Variants in FBN2 observed in about 807,000 individuals in gnomAD.
The protein encoded by FBN2 is fibrillin 2.
FBN2 carries 105 observed loss-of-function variants against 355.6 expected under a neutral mutation model. The ratio of observed to expected loss-of-function variants is 0.30; its 90% CI spans 0.25 to 0.35. The LOEUF (loss-of-function observed/expected upper bound fraction) is 0.35. Among genes scored for constraint, FBN2 ranks in the 10% least tolerant of loss-of-function variants. The pLI, the probability that FBN2 is intolerant of heterozygous loss-of-function variation, is 1.00. For synonymous variants in FBN2, 1,350 were observed against 1,301.2 expected (o/e 1.04, Z -0.81); for missense variants, 3,280 against 3,758.7 (o/e 0.87, Z 3.33).
Position 128,374,668 on chromosome 5 carries a change from G to A in FBN2, c.2055C>T (p.Pro685=). The part of the protein sequence containing the change: ...NSEGSFRCDC[P]PGLAVGMDGR... ...CATCCATGCCCACAGCCAGGCCTGG[G>A]GGACAGTCACAGCGGAAGGACCCTT... Residue 685 remains proline (P), a synonymous_variant, in exon 15 of 65, where the codon CCC becomes CCT. Coordinates refer to ENST00000262464, the MANE Select transcript of FBN2 (RefSeq NM_001999.4). 1.2e-6 allele frequency: 2 copies of A among 1,613,926 alleles called. No individual in the cohort carries two copies. The highest frequency in any genetic ancestry group is 1.7e-6 in the Non-Finnish European group (2 of 1,179,904).
chr5:128,318,088 AAG>A (rs1750260592), intron 36 of FBN2, 59 bp downstream of exon 36: 5 of 1,556,436 alleles, frequency 3.2e-6, no homozygotes, highest in Non-Finnish European at 4.4e-6. Context: ...GTTCATTATC[AAG>A]AGAGTCTGAA....
chr5:128,261,938 T>C (rs777409597), intron 63 of FBN2, 31 bp from the exon 64 acceptor site: 109 of 1,595,986 alleles, frequency 6.8e-5, no homozygotes, highest in Admixed American at 1.0e-4. Flanking sequence ...ATTGTTAGAC[T>C]TTATCACTGA....
rs147346327 is a variant in FBN2 at position 128,393,165 on chromosome 5, C to T, written c.1435G>A (p.Gly479Arg). The T allele has an allele frequency of 9.0e-5, 145 of 1,614,076 alleles. No individual in the cohort carries two copies. In the African/African-American group the frequency reaches 1.2e-3, roughly 13 times the overall value. Reference protein sequence around the residue: ...PGVGGAGVGAGGQGPIITGLT... With the variant: ...PGVGGAGVGARGQGPIITGLT... The stretch of plus-strand genomic sequence containing the variant: ...CCAGTGATGATAGGTCCCTGTCCCC[C>T]GGCCCCCACACCGGCTCCCCCAACG... Residue 479 changes from glycine to arginine, a missense_variant, in exon 10 of 65, where the codon GGG (glycine) becomes AGG (arginine). By Grantham distance (125) the Gly-to-Arg change is moderately radical (BLOSUM62 -2). Around this residue, in one of 6 missense-constraint regions of FBN2, gnomAD observed 343 missense variants for 331.0 expected, o/e 1.04. Coordinates refer to ENST00000262464, the MANE Select transcript of FBN2 (RefSeq NM_001999.4).
At chr5:128,495,395 G>T (rs911860019) in intron 5 of FBN2, among the ~76,000 whole-genome samples, 1 of 152,074 alleles carries the variant, frequency 6.6e-6, no homozygotes, top group Non-Finnish European at 1.5e-5. Context: ...AAGATATTCA[G>T]AGAAACAGCA....
chr5:128,379,851 C>A (rs1212198893), intron 11 of FBN2, among the ~76,000 whole-genome samples: 2 of 152,006 alleles, frequency 1.3e-5, no homozygotes, highest in African/African-American at 4.8e-5. Flanking sequence ...TGTGTAGAAG[C>A]CATTAACATA....
At chr5:128,391,042 T>C (rs1438666831) in intron 11 of FBN2, among the ~76,000 whole-genome samples, 3 of 152,214 alleles carry the variant, frequency 2.0e-5, no homozygotes, top group Non-Finnish European at 4.4e-5. Context: ...ATATTTCAAA[T>C]GACCAATGCA....
At chr5:128,422,096 G>A (rs1753364781) in intron 7 of FBN2, among the ~76,000 whole-genome samples, 1 of 152,142 alleles carries the variant, frequency 6.6e-6, no homozygotes, top group African/African-American at 2.4e-5. Context: ...GCAAAAAAAT[G>A]GACTGTACCC....
intron 5 of FBN2, among the ~76,000 whole-genome samples, chr5:128,505,106 T>A (rs1046856516): frequency 6.6e-6 from 1 of 152,198 alleles, no homozygotes; most frequent in Non-Finnish European, 1.5e-5. Flanking sequence ...TCTGCCGTGA[T>A]TGTGAGGCCT....
chr5:128,289,752 G>A (rs1487921478), intron 51 of FBN2, 130 bp downstream of exon 51: 1 of 652,634 alleles, frequency 1.5e-6, no homozygotes, highest in African/African-American at 1.8e-5. Flanking sequence ...ACAAAATAAG[G>A]GTTATATACA....
At chr5:128,477,581 C>T (rs771299809) in intron 5 of FBN2, among the ~76,000 whole-genome samples, 1 of 152,078 alleles carries the variant, frequency 6.6e-6, no homozygotes, top group Non-Finnish European at 1.5e-5. Flanking sequence ...TACTTTATAG[C>T]CATCATTTTA....
intron 48 of FBN2, among the ~76,000 whole-genome samples, chr5:128,292,594 C>A (rs976533162): frequency 2.8e-4 from 43 of 152,180 alleles, no homozygotes; most frequent in African/African-American, 9.9e-4. Flanking sequence ...CAGAAACCAA[C>A]ACCACCGCCA....
intron 59 of FBN2, among the ~76,000 whole-genome samples, chr5:128,275,558 C>A (rs1346000239): frequency 1.3e-5 from 2 of 151,616 alleles, no homozygotes; most frequent in African/African-American, 4.8e-5. Flanking sequence ...ACTATAAAAT[C>A]AAATATATGA....
intron 5 of FBN2, among the ~76,000 whole-genome samples, chr5:128,474,960 T>C (rs972435545): frequency 5.9e-5 from 9 of 152,176 alleles, no homozygotes; most frequent in Non-Finnish European, 1.2e-4. Context: ...GTAGCATCTA[T>C]CAATAAATCC....
intron 4 of FBN2, 128 bp from the exon 5 acceptor site, chr5:128,519,496 T>A (rs1471311252): frequency 2.7e-6 from 2 of 731,726 alleles, no homozygotes; most frequent in Non-Finnish European, 4.9e-6. Context: ...AAACTGCAAC[T>A]TGTATAAATT....
At position 128,428,956 on chromosome 5, in the gene FBN2, G is replaced by T. The variant is rs559600929; in HGVS notation, c.952+17525C>A. 2.3e-4 allele frequency among the ~76,000 whole-genome samples: 35 copies of T among 152,268 alleles called. 1 individual carries two copies. The Middle Eastern group carries it at 0.024, about 104-fold the overall frequency. Reference sequence around the variant, plus strand: ...TACCTGGCCACTCTCATTGGCCCCAGGTTCCTGACAGCTTATCCTCATGCT... The same window carrying T: ...TACCTGGCCACTCTCATTGGCCCCATGTTCCTGACAGCTTATCCTCATGCT... On this transcript the variant is annotated intron_variant, in intron 7 of 64. Coordinates refer to ENST00000262464, the MANE Select transcript of FBN2 (RefSeq NM_001999.4).
intron 7 of FBN2, among the ~76,000 whole-genome samples, chr5:128,439,233 A>G (rs1753853710): frequency 6.6e-6 from 1 of 152,186 alleles, no homozygotes; most frequent in Non-Finnish European, 1.5e-5. Context: ...GATTATGAGT[A>G]TAGACAAAAC....
At chr5:128,400,893 G>A (rs1752782925) in intron 8 of FBN2, among the ~76,000 whole-genome samples, 1 of 152,130 alleles carries the variant, frequency 6.6e-6, no homozygotes. Flanking sequence ...GGGACCCAGA[G>A]GGAGGTAACT....
intron 5 of FBN2, 85 bp from the exon 6 acceptor site, chr5:128,465,006 A>G: frequency 7.7e-7 from 1 of 1,302,790 alleles, no homozygotes; most frequent in East Asian, 2.3e-5. Context: ...TAAAACAGAG[A>G]CTATTTCTTC....
chr5:128,479,217 C>G (rs1036796069), intron 5 of FBN2, among the ~76,000 whole-genome samples: 62 of 151,994 alleles, frequency 4.1e-4, no homozygotes, highest in Non-Finnish European at 1.3e-4. Flanking sequence ...AATTACAGTC[C>G]CAAAGTTCCT....
Sources: gnomAD v4.1 joint callset for allele counts (sites outside exome capture counted in the v4.1 genomes callset) on GRCh38, gnomAD v4.1.1 for gene constraint, gnomAD v4.1.1 regional missense constraint, MANE v1.5 for transcripts, NCBI Gene and HGNC (gene_info 2026-07-23, HGNC 2026-07-21) for gene names.